The following CTNNA3 variants were observed in gnomAD, a reference collection of about 807,000 sequenced individuals.
CTNNA3 encodes the protein catenin alpha 3.
A neutral mutation model predicts 95.7 loss-of-function variants in CTNNA3; 76 were observed. That is an observed-to-expected ratio of 0.79 (90% CI 0.66 to 0.96). The LOEUF is 0.96. Ranked by LOEUF, CTNNA3 falls within the 40% of genes least tolerant of loss-of-function variation. The pLI is 0.00. For missense variants in CTNNA3, 1,191 were observed against 1,089.8 expected, an observed-to-expected ratio of 1.09 and a Z score of -1.31; for synonymous variants, 431 against 374.4, an observed-to-expected ratio of 1.15 and a Z score of -1.74.
chr10:66,515,461 T>C (rs1233808386), intron 11 of CTNNA3, among the ~76,000 whole-genome samples: 12 of 152,070 alleles, frequency 7.9e-5, no homozygotes, highest in African/African-American at 2.9e-4. Context: ...ACAGATACGC[T>C]AAGAACTAAC....
intron 5 of CTNNA3, among the ~76,000 whole-genome samples, chr10:67,448,744 C>T (rs12241842): frequency 0.085 from 12,801 of 150,272 alleles, 649 homozygotes; most frequent in South Asian, 0.16. Flanking sequence ...CTTAAAGATT[C>T]CATCTTTAAC....
At chr10:65,994,234 A>G (rs528348213) in intron 15 of CTNNA3, among the ~76,000 whole-genome samples, 2 of 152,140 alleles carry the variant, frequency 1.3e-5, no homozygotes, top group African/African-American at 4.8e-5. Context: ...TTTACCAGTA[A>G]GTTTTATACT....
At position 66,604,394 on chromosome 10, in the gene CTNNA3, G is replaced by A. The variant is rs541407048; in HGVS notation, c.1374+17298C>T. Among the ~76,000 whole-genome samples the A allele has an allele frequency of 3.6e-4, 55 of 152,228 alleles. 1 individual carries two copies. The highest frequency in any genetic ancestry group is 1.0e-3 in the African/African-American group (43 of 41,538). On this transcript the variant is annotated intron_variant, in intron 10 of 17. Coordinates refer to ENST00000433211, the MANE Select transcript of CTNNA3 (RefSeq NM_013266.4). ...GCCTCCACCGCTGTGGTGAATGTCC[G>A]CATGGAGGCAGGTACACTGACACCC... is the stretch of plus-strand genomic sequence containing the variant.
At chr10:67,680,704 A>G (rs1161165862) in intron 1 of CTNNA3, among the ~76,000 whole-genome samples, 1 of 152,242 alleles carries the variant, frequency 6.6e-6, no homozygotes, top group Non-Finnish European at 1.5e-5. Context: ...ACCCTTTACT[A>G]AAATAAATAT....
At chr10:67,727,393 TATATA>T (rs893552356) in intron 1 of CTNNA3, among the ~76,000 whole-genome samples, 29 of 133,086 alleles carry the variant, frequency 2.2e-4, no homozygotes, top group African/African-American at 5.7e-4. Flanking sequence ...GTATTATAAT[TATATA>T]ATATGATACG....
At chr10:67,581,581 G>A (rs570208366) in intron 3 of CTNNA3, among the ~76,000 whole-genome samples, 30 of 152,210 alleles carry the variant, frequency 2.0e-4, no homozygotes, top group Non-Finnish European at 3.4e-4. Flanking sequence ...CATAAAATGA[G>A]TTAGGGAGGA....
chr10:66,926,274 C>T, intron 7 of CTNNA3: 1 of 467,020 alleles, frequency 2.1e-6, no homozygotes, highest in Non-Finnish European at 4.0e-6. Context: ...TTTTTTTTAA[C>T]CGCCCCCTCC....
chr10:66,932,072 G>A (rs543256466), intron 7 of CTNNA3, among the ~76,000 whole-genome samples: 8 of 152,160 alleles, frequency 5.3e-5, no homozygotes, highest in Admixed American at 2.6e-4. Flanking sequence ...TGCTGATTGT[G>A]CCAGTGACCT....
intron 11 of CTNNA3, among the ~76,000 whole-genome samples, chr10:66,475,565 T>C (rs535853485): frequency 3.9e-5 from 6 of 151,980 alleles, no homozygotes; most frequent in Non-Finnish European, 8.8e-5. Flanking sequence ...CATGAACAGA[T>C]ACTTCTCAAA....
At chr10:67,523,287 T>C (rs1406132075) in intron 4 of CTNNA3, among the ~76,000 whole-genome samples, 1 of 152,176 alleles carries the variant, frequency 6.6e-6, no homozygotes, top group Non-Finnish European at 1.5e-5. Flanking sequence ...AAGGAACTCA[T>C]ACCACTGGAG....
At chr10:66,878,961 T>C (rs571909270) in intron 7 of CTNNA3, among the ~76,000 whole-genome samples, 8 of 152,208 alleles carry the variant, frequency 5.3e-5, no homozygotes, top group African/African-American at 1.9e-4. Context: ...GTAAATTAAC[T>C]ATTTTTGAGC....
chr10:66,666,776 C>A (rs1473327559), intron 9 of CTNNA3, among the ~76,000 whole-genome samples: 1 of 149,946 alleles, frequency 6.7e-6, no homozygotes, highest in Non-Finnish European at 1.5e-5. Context: ...ATATCACCCC[C>A]AAGAGGCTGA....
At chr10:66,614,097 A>C (rs568891411) in intron 10 of CTNNA3, among the ~76,000 whole-genome samples, 6 of 152,114 alleles carry the variant, frequency 3.9e-5, no homozygotes, top group Non-Finnish European at 8.8e-5. Context: ...AATACATCAT[A>C]ACTTAATCAG....
At chr10:67,022,042 C>T (rs971939970) in intron 7 of CTNNA3, among the ~76,000 whole-genome samples, 5 of 152,124 alleles carry the variant, frequency 3.3e-5, no homozygotes, top group Admixed American at 6.6e-5. Flanking sequence ...TTTGGAAGTA[C>T]GAAGTGTATT....
chr10:66,541,099 C>G (rs1170882504), intron 10 of CTNNA3, among the ~76,000 whole-genome samples: 1 of 152,078 alleles, frequency 6.6e-6, no homozygotes, highest in Non-Finnish European at 1.5e-5. Context: ...GCCCATTTGT[C>G]TGCATCAATT....
intron 15 of CTNNA3, among the ~76,000 whole-genome samples, chr10:66,006,505 T>A (rs1241181221): frequency 1.3e-4 from 20 of 152,124 alleles, no homozygotes; most frequent in Admixed American, 1.3e-3. Context: ...TTCCACACAT[T>A]ACTTCTCTGA....
intron 1 of CTNNA3, among the ~76,000 whole-genome samples, chr10:67,682,638 G>GAATATTTTATATTTATAT (rs1223461403): frequency 6.6e-6 from 1 of 152,068 alleles, no homozygotes; most frequent in East Asian, 1.9e-4. Flanking sequence ...TATAAATTAT[G>GAATATTTTATATTTATAT]TGTACTCTTG....
intron 1 of CTNNA3, among the ~76,000 whole-genome samples, chr10:67,719,613 A>G (rs566802632): frequency 6.6e-6 from 1 of 152,114 alleles, no homozygotes; most frequent in Non-Finnish European, 1.5e-5. Context: ...AGCGGTTTTG[A>G]GTGAGTTTCT....
chr10:66,638,763 G>C (rs1845419594), intron 9 of CTNNA3, among the ~76,000 whole-genome samples: 1 of 147,756 alleles, frequency 6.8e-6, no homozygotes, highest in Non-Finnish European at 1.5e-5. Flanking sequence ...TGATTTCTGG[G>C]CTCTGAACTA....
Sources: allele counts gnomAD v4.1 joint callset (sites outside exome capture counted in the v4.1 genomes callset), GRCh38; gene constraint gnomAD v4.1.1; transcripts MANE v1.5; gene names NCBI Gene and HGNC (gene_info 2026-07-23, HGNC 2026-07-21).